Variants in SNED1 observed in about 807,000 individuals in gnomAD.
SNED1 encodes the protein sushi, nidogen and EGF like domains 1, also known as sushi, nidogen and EGF-like domain-containing protein 1.
A neutral mutation model predicts 166.7 loss-of-function variants in SNED1; 81 were observed. The observed-to-expected ratio is 0.49, with a 90% CI of 0.41 to 0.58. The LOEUF is 0.58. SNED1 is among the 20% of genes least tolerant of loss of function. The probability of loss-of-function intolerance (pLI) is 0.00; values close to 1 mark genes in which losing one functional copy is unlikely to be tolerated. For synonymous variants in SNED1, 762 were observed against 822.0 expected (o/e 0.93, Z 1.25); for missense variants, 1,604 against 2,000.2 (o/e 0.80, Z 3.78).
chr2:241,022,912 A>G (rs2060812949), intron 1 of SNED1, among the ~76,000 whole-genome samples: 1 of 152,220 alleles, frequency 6.6e-6, no homozygotes, highest in African/African-American at 2.4e-5. Flanking sequence ...CTGAAATGGT[A>G]GCCTCTTTTT....
rs756441518 is a variant in SNED1, at chr2:241,052,160, A to G, written c.1969+3A>G. Reference sequence around the variant, plus strand: ...CTCCGGGCGGCACTGCGAGATAGGTAAGGTGGGTGGGAGGCCAGGCCAGGG... The same window carrying G: ...CTCCGGGCGGCACTGCGAGATAGGTGAGGTGGGTGGGAGGCCAGGCCAGGG... On this transcript the variant is annotated splice_donor_region_variant and intron_variant, in intron 14 of 31. Coordinates refer to ENST00000310397, the MANE Select transcript of SNED1 (RefSeq NM_001080437.3). The G allele has an allele frequency of 1.9e-6, 3 of 1,611,332 alleles. No individual in the cohort carries two copies. The highest frequency in any genetic ancestry group is 4.5e-5 in the East Asian group (2 of 44,846).
At chr2:241,035,310 C>G (rs1455458470) in intron 4 of SNED1, among the ~76,000 whole-genome samples, 1 of 152,140 alleles carries the variant, frequency 6.6e-6, no homozygotes, top group Non-Finnish European at 1.5e-5. Flanking sequence ...AGGGGAGTTC[C>G]AGGGGTCCTT....
intron 6 of SNED1, 57 bp from the exon 7 acceptor site, chr2:241,040,018 C>T (rs2061480472): frequency 7.4e-7 from 1 of 1,355,174 alleles, no homozygotes; most frequent in African/African-American, 1.4e-5. Flanking sequence ...GGGTTTCTGT[C>T]CCCTCAGGTA....
At chr2:241,080,169 A>C (rs1037045377) in intron 27 of SNED1, among the ~76,000 whole-genome samples, 2 of 152,104 alleles carry the variant, frequency 1.3e-5, no homozygotes, top group Non-Finnish European at 2.9e-5. Context: ...CTGTAGTACC[A>C]GCTACTCGGG....
At chr2:241,090,537 T>C (rs978402541) in intron 31 of SNED1, 11 of 1,388,714 alleles carry the variant, frequency 7.9e-6, no homozygotes, top group Middle Eastern at 2.6e-4. Context: ...CATAATTGTA[T>C]GTGCTAGACT....
At chr2:241,007,635 C>T (rs189380379) in intron 1 of SNED1, among the ~76,000 whole-genome samples, 1 of 152,254 alleles carries the variant, frequency 6.6e-6, no homozygotes, top group East Asian at 1.9e-4. Context: ...TGGTGAAGTT[C>T]TTCCTTATCT....
rs1022238425 is a variant in SNED1, at chr2:241,051,936, C to A, written c.1852+76C>A. 2 of 1,470,894 alleles carry A rather than the reference C, an allele frequency of 1.4e-6. No individual in the cohort carries two copies. The highest frequency in any genetic ancestry group is 1.9e-6 in the Non-Finnish European group (2 of 1,076,880). 91.1% of individuals were successfully genotyped at this position (1,470,894 alleles called of 1,614,324 possible). On this transcript the variant is annotated intron_variant, in intron 13 of 31. Coordinates refer to ENST00000310397, the MANE Select transcript of SNED1 (RefSeq NM_001080437.3). This position sits in a 1 kb window ranked among gnomAD's most constrained non-coding sequence, Gnocchi z 4.7. ...AGCTGGGGCCCCTGATGCACCCTCC[C>A]TGCCAGCTGTGGGTCTGCTTCTCAT...
intron 16 of SNED1, among the ~76,000 whole-genome samples, chr2:241,058,795 A>G (rs1374152940): frequency 1.3e-5 from 2 of 152,074 alleles, no homozygotes; most frequent in African/African-American, 4.8e-5. Flanking sequence ...CTAAAAATAC[A>G]AAAAATTAGC....
At chr2:241,087,221 C>T in intron 29 of SNED1, 171 bp from the exon 30 acceptor site, 2 of 601,874 alleles carry the variant, frequency 3.3e-6, no homozygotes, top group Non-Finnish European at 5.9e-6. Flanking sequence ...ATCACATGAC[C>T]TTTATGTTAG....
chr2:241,043,586 T>C (rs1470134176), intron 8 of SNED1, among the ~76,000 whole-genome samples: 1 of 151,168 alleles, frequency 6.6e-6, no homozygotes, highest in Non-Finnish European at 1.5e-5. Flanking sequence ...GAATGAAGAG[T>C]GTTAAAAATG....
rs1173753271 is a variant in SNED1 at position 241,064,520 on chromosome 2, C to T, written c.2600-324C>T. 6.6e-6 allele frequency among the ~76,000 whole-genome samples: 1 copy of T among 152,196 alleles called. No homozygotes were observed. Among genetic ancestry groups the T allele is most frequent in the Non-Finnish European group, 1.5e-5 (1 of 68,026 alleles). ...TAATCAGCCCCCAGTGGGATACCTC[C>T]TGATGAGGCTTCCCTGACCACTGAC... On this transcript the variant is annotated intron_variant, in intron 19 of 31. Coordinates refer to ENST00000310397, the MANE Select transcript of SNED1 (RefSeq NM_001080437.3). The surrounding 1 kb of genome is among the most constrained non-coding windows in gnomAD (Gnocchi z 7.0).
At position 241,067,923 on chromosome 2, in the gene SNED1, G is replaced by C. The variant is rs2062530481; in HGVS notation, c.3170G>C (p.Arg1057Thr). 6.2e-7 allele frequency: 1 copy of C among 1,613,078 alleles called. No homozygotes were observed. The change falls in exon 22 of 32, where the codon AGG (arginine) becomes ACG (threonine). Residue 1057 changes from arginine (R) to threonine (T), a missense_variant. Arg to Thr is a moderately conservative substitution (Grantham distance 71, BLOSUM62 -1). Coordinates refer to ENST00000310397, the MANE Select transcript of SNED1 (RefSeq NM_001080437.3). ...AGGGACCAGGCCACCGATGTGGACA[G>C]GAGTGTGGACAGGTTCACCTTTAGG... ...ALRDQATDVD[R>T]SVDRFTFRAL...
intron 31 of SNED1, chr2:241,089,182 A>G: frequency 9.7e-7 from 1 of 1,026,942 alleles, no homozygotes. Context: ...CCAGTTTCAT[A>G]CTGACCATCA....
At chr2:241,082,219 G>C (rs368721037) in intron 28 of SNED1, 58 bp from the exon 29 acceptor site, 3 of 1,421,276 alleles carry the variant, frequency 2.1e-6, no homozygotes, top group Middle Eastern at 1.8e-4. Context: ...GGCCTCTCAA[G>C]AGGGGCAGGA....
chr2:241,027,894 T>C (rs1031318129), intron 1 of SNED1, among the ~76,000 whole-genome samples: 3 of 152,078 alleles, frequency 2.0e-5, no homozygotes, highest in African/African-American at 7.2e-5. Flanking sequence ...CCACCATGCC[T>C]GGCTAATTTT....
chr2:241,063,092 G>A (rs573852894), intron 17 of SNED1, among the ~76,000 whole-genome samples, 188 bp downstream of exon 17: 1 of 152,354 alleles, frequency 6.6e-6, no homozygotes, highest in Non-Finnish European at 1.5e-5. Flanking sequence ...CACCTCCCCA[G>A]GGGAGACTGA....
Position 241,069,792 on chromosome 2 carries a change from C to T in SNED1, c.3308-128C>T, listed in dbSNP as rs958713680. On this transcript the variant is annotated intron_variant, in intron 23 of 31. Coordinates refer to ENST00000310397, the MANE Select transcript of SNED1 (RefSeq NM_001080437.3). This position sits in a 1 kb window ranked among gnomAD's most constrained non-coding sequence, Gnocchi z 4.9. ...CCCACACCCCGCCTCGGCACTGTACCATTCTCCATAATAAAGAATCTGGCT... is the reference window on the plus strand; with the variant it reads ...CCCACACCCCGCCTCGGCACTGTACTATTCTCCATAATAAAGAATCTGGCT... 7.3e-6 allele frequency: 8 copies of T among 1,093,130 alleles called. No homozygotes were observed. In the African/African-American group the frequency reaches 1.1e-4, roughly 15 times the overall value. 67.7% of individuals were successfully genotyped at this position (1,093,130 alleles called of 1,614,324 possible).
chr2:241,057,436 A>G (rs60899880), intron 16 of SNED1, among the ~76,000 whole-genome samples: 9,014 of 144,436 alleles, frequency 0.062, 528 homozygotes, highest in African/African-American at 0.14. Flanking sequence ...GCTCACACAT[A>G]TAATGGGAGG....
At chr2:241,009,487 G>T (rs2060320694) in intron 1 of SNED1, among the ~76,000 whole-genome samples, 1 of 152,166 alleles carries the variant, frequency 6.6e-6, no homozygotes, top group Non-Finnish European at 1.5e-5. Context: ...ACACAAGGAA[G>T]CAGAGGGGCT....
Sources: gnomAD v4.1 joint callset for allele counts (sites outside exome capture counted in the v4.1 genomes callset) on GRCh38, gnomAD v4.1.1 for gene constraint, Gnocchi (gnomAD v3.1) non-coding constraint, MANE v1.5 for transcripts, NCBI Gene and HGNC (gene_info 2026-07-23, HGNC 2026-07-21) for gene names.